Variants in RALGPS1 observed in about 807,000 individuals in gnomAD.
RALGPS1 encodes the protein ras-specific guanine nucleotide-releasing factor RalGPS1.
In RALGPS1, 19 loss-of-function variants were observed where a neutral mutation model predicts 78.8. The ratio of observed to expected loss-of-function variants is 0.24; its 90% CI spans 0.17 to 0.35. The LOEUF is 0.35. Among genes scored for constraint, RALGPS1 ranks in the 10% least tolerant of loss-of-function variants. The probability of loss-of-function intolerance (pLI) is 1.00; values close to 1 mark genes in which losing one functional copy is unlikely to be tolerated. For missense variants in RALGPS1, 454 were observed against 688.3 expected, an observed-to-expected ratio of 0.66 and a Z score of 3.81; for synonymous variants, 228 against 256.3, an observed-to-expected ratio of 0.89 and a Z score of 1.06.
intron 8 of RALGPS1, chr9:127,087,923 T>C (rs2051963254): frequency 6.6e-6 from 1 of 152,670 alleles, no homozygotes. Context: ...GGTTAAAGTA[T>C]GAATGGAAGA....
chr9:126,973,848 A>G (rs2040351981), intron 3 of RALGPS1, among the ~76,000 whole-genome samples: 1 of 152,044 alleles, frequency 6.6e-6, no homozygotes, highest in Non-Finnish European at 1.5e-5. Flanking sequence ...GTCATATAGT[A>G]TTTGTCTTTG....
chr9:127,165,954 TCA>T (rs1389282729), intron 8 of RALGPS1, 113 bp from the exon 9 acceptor site: 2 of 1,382,720 alleles, frequency 1.4e-6, no homozygotes, highest in Non-Finnish European at 1.9e-6. Flanking sequence ...AAATATTATC[TCA>T]GTTTTCCATA....
At chr9:127,215,412 A>G (rs968564270) in intron 18 of RALGPS1, among the ~76,000 whole-genome samples, 1 of 152,178 alleles carries the variant, frequency 6.6e-6, no homozygotes, top group Non-Finnish European at 1.5e-5. Flanking sequence ...CAGCCGTCCC[A>G]CGAAGGGTGT....
At chr9:127,204,445 C>T (rs371481192) in intron 14 of RALGPS1, among the ~76,000 whole-genome samples, 3 of 152,176 alleles carry the variant, frequency 2.0e-5, no homozygotes, top group East Asian at 3.9e-4. Context: ...TATGAATTTC[C>T]CTCAATAGGT....
rs148939606 is a variant in RALGPS1 at position 127,116,546 on chromosome 9, C to G, written c.610+47190C>G. ...GCTTCTGAGTTGGCTGCTGCATTTC[C>G]GGCAGTGCCTAGTGTGCTCTGGAGC... On this transcript the variant is annotated intron_variant, in intron 8 of 18. Coordinates refer to ENST00000259351, the MANE Select transcript of RALGPS1 (RefSeq NM_014636.3). Among the ~76,000 whole-genome samples the G allele has an allele frequency of 4.0e-3, 614 of 152,340 alleles. 5 individuals are homozygous for G. The highest frequency in any genetic ancestry group is 0.013 in the African/African-American group (560 of 41,572).
rs1588658952 is a variant in RALGPS1, at chr9:126,960,290, G to T, written c.-65-1935G>T. Among the ~76,000 whole-genome samples, 5 of 148,564 alleles carry T rather than the reference G, an allele frequency of 3.4e-5. No homozygotes were observed. The Middle Eastern group carries it at 0.01, about 307-fold the overall frequency. On this transcript the variant is annotated intron_variant, in intron 1 of 18. Coordinates refer to ENST00000259351, the MANE Select transcript of RALGPS1 (RefSeq NM_014636.3). ...TGCTCTATCACCAGGCTGGAGTGCA[G>T]TGGTGAGATCTTGGCTCACTGCAAC...
chr9:127,178,817 G>T (rs2060039370), intron 11 of RALGPS1, among the ~76,000 whole-genome samples: 1 of 152,206 alleles, frequency 6.6e-6, no homozygotes, highest in South Asian at 2.1e-4. Context: ...GCTTTTACAG[G>T]CACATGCTGG....
At chr9:126,995,980 C>T (rs2042713053) in intron 4 of RALGPS1, among the ~76,000 whole-genome samples, 1 of 151,764 alleles carries the variant, frequency 6.6e-6, no homozygotes, top group Non-Finnish European at 1.5e-5. Flanking sequence ...TCTTTGAAAC[C>T]AACGAGAACA....
chr9:127,129,007 AC>A (rs1317519755), intron 8 of RALGPS1, among the ~76,000 whole-genome samples: 2 of 152,072 alleles, frequency 1.3e-5, no homozygotes, highest in Non-Finnish European at 2.9e-5. Context: ...TGAGGACAAC[AC>A]CTCTCCTCAA....
chr9:127,182,286 C>T lies in RALGPS1; in HGVS notation c.910+7504C>T, dbSNP rs149376050. Among the ~76,000 whole-genome samples, 620 of 152,034 alleles carry T rather than the reference C, an allele frequency of 4.1e-3. 1 individual carries two copies. Among genetic ancestry groups the T allele is most frequent in the Non-Finnish European group, 6.6e-3 (446 of 67,962 alleles). ...CATAATTCCTTACAGCCTGTAGAAC[C>T]ATGAGCCAGTTAAGCCTACCTACCT... On this transcript the variant is annotated intron_variant, in intron 11 of 18. Coordinates refer to ENST00000259351, the MANE Select transcript of RALGPS1 (RefSeq NM_014636.3).
In RALGPS1 at chr9:126,916,691, G is replaced by GAATTGCTTGAA. The variant is rs1228794537; in HGVS notation, c.-66+1717_-66+1727dup. On this transcript the variant is annotated intron_variant, in intron 1 of 18. Transcript: ENST00000259351. ...CAGCTACTCAGGAGGCTGAGGCCGA[G>GAATTGCTTGAA]AATTGCTTGAACGTGGGAGGCGGAG... Among the ~76,000 whole-genome samples, 4 of 152,260 alleles carry GAATTGCTTGAA rather than the reference G, an allele frequency of 2.6e-5. No homozygotes were observed. In the East Asian group the frequency reaches 7.7e-4, roughly 29 times the overall value.
In RALGPS1 at chr9:126,936,914, A is replaced by G. The variant is rs1051171654; in HGVS notation, c.-66+21939A>G. Among the ~76,000 whole-genome samples the G allele has an allele frequency of 4.7e-5, 7 of 150,380 alleles. No individual in the cohort carries two copies. In the East Asian group the frequency reaches 1.4e-3, roughly 29 times the overall value. On this transcript the variant is annotated intron_variant, in intron 1 of 18. Coordinates refer to ENST00000259351, the MANE Select transcript of RALGPS1 (RefSeq NM_014636.3). ...CCAGGCTGGAGTACAGTGGCATGAT[A>G]CTGTCTCACGAAAACCTCCATCTCC...
chr9:127,207,475 A>G (rs1170712269), intron 14 of RALGPS1, among the ~76,000 whole-genome samples: 1 of 152,244 alleles, frequency 6.6e-6, no homozygotes, highest in South Asian at 2.1e-4. Context: ...GTTCTGGGCT[A>G]TGAGCCCCTA....
intron 8 of RALGPS1, among the ~76,000 whole-genome samples, chr9:127,133,874 C>T (rs947533645): frequency 1.3e-5 from 2 of 151,996 alleles, no homozygotes; most frequent in African/African-American, 4.8e-5. Flanking sequence ...TCTTTGGGCC[C>T]CCAGCACCCA....
chr9:127,013,161 A>T (rs1223284874), intron 4 of RALGPS1, among the ~76,000 whole-genome samples: 2 of 152,196 alleles, frequency 1.3e-5, no homozygotes, highest in South Asian at 4.1e-4. Flanking sequence ...TTGGGAAGAA[A>T]GTGGCCATGT....
chr9:127,028,693 C>T (rs114322412), intron 4 of RALGPS1, among the ~76,000 whole-genome samples: 162 of 152,298 alleles, frequency 1.1e-3, no homozygotes, highest in African/African-American at 3.7e-3. Flanking sequence ...TTAATGAGCA[C>T]GTTAAAAATA....
At chr9:127,118,104 G>A (rs2055631817) in intron 8 of RALGPS1, among the ~76,000 whole-genome samples, 1 of 152,118 alleles carries the variant, frequency 6.6e-6, no homozygotes, top group South Asian at 2.1e-4. Context: ...CACCAGACTG[G>A]AGTGCAGTGG....
intron 11 of RALGPS1, chr9:127,184,176 T>G: frequency 1.1e-6 from 1 of 902,042 alleles, no homozygotes; most frequent in Non-Finnish European, 1.7e-6. Context: ...AGTATATAAA[T>G]GATCTGGGCA....
At chr9:127,078,713 C>T (rs764823709) in intron 8 of RALGPS1, among the ~76,000 whole-genome samples, 1 of 152,100 alleles carries the variant, frequency 6.6e-6, no homozygotes, top group Non-Finnish European at 1.5e-5. Flanking sequence ...TGTGTCTGAC[C>T]CTGCAAAACG....
Sources: allele counts gnomAD v4.1 joint callset (sites outside exome capture counted in the v4.1 genomes callset), GRCh38; gene constraint gnomAD v4.1.1; transcripts MANE v1.5; gene names NCBI Gene and HGNC (gene_info 2026-07-23, HGNC 2026-07-21).